STK39: variants seen among roughly 807,000 people sequenced by gnomAD.
STK39 encodes the protein STE20/SPS1-related proline-alanine-rich protein kinase.
STK39 carries 20 observed loss-of-function variants against 77.8 expected under a neutral mutation model. The observed-to-expected ratio is 0.26, with a 90% CI of 0.18 to 0.37. STK39 has a LOEUF of 0.37. Among genes scored for constraint, STK39 ranks in the 10% least tolerant of loss-of-function variants. The pLI is 1.00. For synonymous variants in STK39, 246 were observed against 234.1 expected (o/e 1.05, Z -0.47); for missense variants, 479 against 656.5 (o/e 0.73, Z 2.95).
chr2:168,072,396 G>A (rs1678530861), intron 12 of STK39, among the ~76,000 whole-genome samples: 1 of 152,098 alleles, frequency 6.6e-6, no homozygotes, highest in Non-Finnish European at 1.5e-5. Context: ...TCTCTTCTCA[G>A]TAAGGCCTAT....
At chr2:168,016,857 G>A (rs1338610266) in intron 15 of STK39, among the ~76,000 whole-genome samples, 186 bp downstream of exon 15, 1 of 152,154 alleles carries the variant, frequency 6.6e-6, no homozygotes, top group African/African-American at 2.4e-5. Context: ...TGAGATTCAT[G>A]TAGTCAGCTG....
chr2:168,212,766 C>T (rs894077532), intron 1 of STK39, among the ~76,000 whole-genome samples: 6 of 152,166 alleles, frequency 3.9e-5, no homozygotes, highest in Admixed American at 1.3e-4. Flanking sequence ...TACAACACAT[C>T]ATATCATGAC....
At chr2:167,968,770 G>A (rs1692233889) in intron 16 of STK39, among the ~76,000 whole-genome samples, 1 of 152,150 alleles carries the variant, frequency 6.6e-6, no homozygotes, top group Non-Finnish European at 1.5e-5. Context: ...GATGGTACGA[G>A]GGTAGGTTTC....
At chr2:168,189,381 TG>T (rs1194261895) in intron 1 of STK39, among the ~76,000 whole-genome samples, 1 of 150,624 alleles carries the variant, frequency 6.6e-6, no homozygotes, top group Non-Finnish European at 1.5e-5. Context: ...AAACTCACCT[TG>T]GACCACAAGC....
chr2:168,067,620 G>A (rs939618666), intron 12 of STK39, among the ~76,000 whole-genome samples: 4 of 152,002 alleles, frequency 2.6e-5, no homozygotes, highest in Admixed American at 6.6e-5. Context: ...GGAAGCCACC[G>A]TACAAAACAT....
chr2:168,074,814 T>G lies in STK39; in HGVS notation c.1242+168A>C, dbSNP rs1430422103. On this transcript the variant is annotated intron_variant, in intron 12 of 17. Transcript: ENST00000355999. ...AAGCAAAGTAATTTGCCCCGATTTATTCAGCCCAAAGTAACTCAGACAGAA... is the reference window on the plus strand; with the variant it reads ...AAGCAAAGTAATTTGCCCCGATTTAGTCAGCCCAAAGTAACTCAGACAGAA... 2.0e-5 allele frequency among the ~76,000 whole-genome samples: 3 copies of G among 152,182 alleles called. No homozygotes were observed. The East Asian group carries it at 5.8e-4, about 29-fold the overall frequency.
chr2:168,149,912 C>T (rs1408822656), intron 5 of STK39, among the ~76,000 whole-genome samples: 1 of 152,210 alleles, frequency 6.6e-6, no homozygotes, highest in African/African-American at 2.4e-5. Flanking sequence ...AAGAAAATAG[C>T]ACACTTCTAG....
intron 10 of STK39, among the ~76,000 whole-genome samples, chr2:168,104,226 A>G (rs979635341): frequency 5.3e-5 from 8 of 152,218 alleles, no homozygotes; most frequent in African/African-American, 1.9e-4. Flanking sequence ...AGGTTTACAT[A>G]TCTGAGCACT....
intron 16 of STK39, among the ~76,000 whole-genome samples, chr2:167,968,022 C>G (rs140623235): frequency 6.6e-6 from 1 of 151,938 alleles, no homozygotes; most frequent in Non-Finnish European, 1.5e-5. Flanking sequence ...TTAGCTCTCA[C>G]AAGTGAGAAC....
intron 14 of STK39, among the ~76,000 whole-genome samples, chr2:168,039,147 T>C (rs1685036627): frequency 6.6e-6 from 1 of 152,046 alleles, no homozygotes; most frequent in African/African-American, 2.4e-5. Context: ...ATGTCCATCA[T>C]CAGGTAAGTA....
rs200081998 is a variant in STK39, at chr2:168,163,732, G to A, written c.572+7C>T. On this transcript the variant is annotated splice_region_variant and intron_variant, in intron 4 of 17. Transcript: ENST00000355999. ...TCTGAATTTAAACATCTCTGCAGAG[G>A]TCATACCTGTGAATCTGACCGTTTC... The A allele has an allele frequency of 1.9e-6, 3 of 1,613,408 alleles. No individual in the cohort carries two copies. In the African/African-American group the frequency reaches 4.0e-5, roughly 22 times the overall value.
chr2:168,067,537 G>C (rs973582861), intron 12 of STK39, among the ~76,000 whole-genome samples: 1 of 152,128 alleles, frequency 6.6e-6, no homozygotes, highest in Non-Finnish European at 1.5e-5. Flanking sequence ...GCAGAACCGT[G>C]AGTCAATTAT....
intron 16 of STK39, among the ~76,000 whole-genome samples, chr2:167,989,127 C>T (rs1683635707): frequency 6.6e-6 from 1 of 152,128 alleles, no homozygotes; most frequent in African/African-American, 2.4e-5. Flanking sequence ...GATCAATGTT[C>T]CACATTCATC....
intron 17 of STK39, among the ~76,000 whole-genome samples, chr2:167,959,043 T>A (rs780137262): frequency 1.8e-4 from 28 of 152,206 alleles, no homozygotes; most frequent in Non-Finnish European, 3.2e-4. Flanking sequence ...ATACAAGTTT[T>A]CCAAAATCCT....
intron 1 of STK39, among the ~76,000 whole-genome samples, chr2:168,216,923 GCTTT>G (rs1690039688): frequency 6.6e-6 from 1 of 152,152 alleles, no homozygotes; most frequent in Non-Finnish European, 1.5e-5. Context: ...TAGGAACAAG[GCTTT>G]TTTAAAAGCC....
chr2:167,974,948 T>C (rs1683237148), intron 16 of STK39, among the ~76,000 whole-genome samples: 1 of 152,224 alleles, frequency 6.6e-6, no homozygotes, highest in African/African-American at 2.4e-5. Flanking sequence ...CAGCTGATAT[T>C]GAAATTGTTT....
In STK39 at chr2:167,978,986, G is replaced by A. The variant is rs1035033336; in HGVS notation, c.1499-14260C>T. On this transcript the variant is annotated intron_variant, in intron 16 of 17. Coordinates refer to ENST00000355999, the MANE Select transcript of STK39 (RefSeq NM_013233.3). ...ATTGAGCAATAAAAAATATGACCATGGTCCATGATGGAACATGATCGATAA... is the reference window on the plus strand; with the variant it reads ...ATTGAGCAATAAAAAATATGACCATAGTCCATGATGGAACATGATCGATAA... 2.6e-5 allele frequency among the ~76,000 whole-genome samples: 4 copies of A among 151,958 alleles called. No individual in the cohort carries two copies. The East Asian group carries it at 7.7e-4, about 29-fold the overall frequency.
intron 17 of STK39, among the ~76,000 whole-genome samples, chr2:167,964,094 CTTAAG>C (rs1477214822): frequency 6.6e-6 from 1 of 152,176 alleles, no homozygotes; most frequent in African/African-American, 2.4e-5. Context: ...CCACCTAGTA[CTTAAG>C]TTTACAATCT....
chr2:168,082,939 T>C lies in STK39; in HGVS notation c.1090-7708A>G, dbSNP rs2105418970. Among the ~76,000 whole-genome samples, 3 of 152,310 alleles carry C rather than the reference T, an allele frequency of 2.0e-5. No individual in the cohort carries two copies. The Middle Eastern group carries it at 0.01, about 518-fold the overall frequency. On this transcript the variant is annotated intron_variant, in intron 10 of 17. Transcript: ENST00000355999. ...ATCCCAACCCCCACTGCCATCATGTTCACCAGGGGCATGGTCATATAATGC... is the reference window on the plus strand; with the variant it reads ...ATCCCAACCCCCACTGCCATCATGTCCACCAGGGGCATGGTCATATAATGC...
Sources: gnomAD v4.1 joint callset for allele counts (sites outside exome capture counted in the v4.1 genomes callset) on GRCh38, gnomAD v4.1.1 for gene constraint, MANE v1.5 for transcripts, NCBI Gene and HGNC (gene_info 2026-07-23, HGNC 2026-07-21) for gene names.